The following PTPRD variants were observed in gnomAD, a reference collection of about 807,000 sequenced individuals.
PTPRD encodes the protein protein tyrosine phosphatase receptor type D.
PTPRD carries 34 observed loss-of-function variants against 214.5 expected under a neutral mutation model. That is an observed-to-expected ratio of 0.16 (90% CI 0.12 to 0.21). PTPRD has a LOEUF of 0.21. Among genes scored for constraint, PTPRD ranks in the 10% least tolerant of loss-of-function variants. PTPRD has a pLI of 1.00. For synonymous variants in PTPRD, 1,128 were observed against 845.7 expected (o/e 1.33, Z -5.79); for missense variants, 2,545 against 2,398.7 (o/e 1.06, Z -1.27).
chr9:9,792,084 C>G (rs985993780), intron 5 of PTPRD, among the ~76,000 whole-genome samples: 4 of 151,304 alleles, frequency 2.6e-5, no homozygotes, highest in African/African-American at 4.9e-5. Flanking sequence ...AATGTTTTAT[C>G]CCATGATTTG....
intron 8 of PTPRD, among the ~76,000 whole-genome samples, chr9:9,432,506 A>C (rs1043338739): frequency 6.6e-6 from 1 of 152,200 alleles, no homozygotes; most frequent in Non-Finnish European, 1.5e-5. Context: ...TTGATCCAAC[A>C]AGAAATAGCC....
intron 11 of PTPRD, among the ~76,000 whole-genome samples, chr9:8,932,809 C>G (rs183565590): frequency 1.3e-5 from 2 of 152,106 alleles, no homozygotes; most frequent in Non-Finnish European, 2.9e-5. Flanking sequence ...TGCTGGGCTC[C>G]GTGGGCGTGG....
chr9:10,339,836 T>C (rs530856277), intron 3 of PTPRD, among the ~76,000 whole-genome samples: 1 of 151,718 alleles, frequency 6.6e-6, no homozygotes, highest in Non-Finnish European at 1.5e-5. Flanking sequence ...AACAACACCT[T>C]CAATATCTCC....
intron 11 of PTPRD, among the ~76,000 whole-genome samples, chr9:8,926,170 G>C (rs1480994878): frequency 2.6e-5 from 4 of 152,042 alleles, no homozygotes; most frequent in African/African-American, 7.2e-5. Flanking sequence ...TGCATCCTCT[G>C]ACTGGAATAC....
At chr9:10,553,912 T>A (rs1395430167) in intron 2 of PTPRD, among the ~76,000 whole-genome samples, 1 of 152,224 alleles carries the variant, frequency 6.6e-6, no homozygotes, top group Non-Finnish European at 1.5e-5. Flanking sequence ...GCTAAAAATT[T>A]ACATTTTGGT....
intron 3 of PTPRD, among the ~76,000 whole-genome samples, chr9:10,256,645 A>C (rs2093305501): frequency 1.3e-5 from 2 of 152,214 alleles, no homozygotes; most frequent in African/African-American, 4.8e-5. Flanking sequence ...TCAACTAATC[A>C]GTTATCAGAT....
intron 5 of PTPRD, among the ~76,000 whole-genome samples, chr9:9,838,012 C>T (rs1480294630): frequency 1.3e-5 from 2 of 151,988 alleles, no homozygotes; most frequent in East Asian, 1.9e-4. Flanking sequence ...AGTGAGAACA[C>T]ACGGTGTTTG....
intron 3 of PTPRD, among the ~76,000 whole-genome samples, chr9:10,223,707 AATAAT>A (rs1413287499): frequency 6.8e-6 from 1 of 146,196 alleles, no homozygotes; most frequent in African/African-American, 2.5e-5. Context: ...TAATAATAAT[AATAAT>A]AAAGTAGAGT....
At chr9:8,503,123 G>A (rs16928048) in intron 23 of PTPRD, among the ~76,000 whole-genome samples, 1 of 151,890 alleles carries the variant, frequency 6.6e-6, no homozygotes, top group South Asian at 2.1e-4. Context: ...TCATTTTCAT[G>A]TGAATAATCA....
intron 11 of PTPRD, among the ~76,000 whole-genome samples, chr9:8,918,236 C>CGGTCA (rs1316693702): frequency 6.6e-6 from 1 of 152,132 alleles, no homozygotes; most frequent in Non-Finnish European, 1.5e-5. Context: ...CCGACCCAGT[C>CGGTCA]TAACAAAACA....
chr9:8,838,101 G>A (rs1007137539), intron 11 of PTPRD, among the ~76,000 whole-genome samples: 1 of 151,966 alleles, frequency 6.6e-6, no homozygotes, highest in African/African-American at 2.4e-5. Context: ...AGGGAGAGGG[G>A]TCCAGCATAA....
chr9:8,903,676 T>C lies in PTPRD; in HGVS notation c.-104+115021A>G, dbSNP rs116127986. ...TTCAATGCTACATATTAATGAATTATAGTAAGTAATTATCTTCTGTGGGCT... is the reference window on the plus strand; with the variant it reads ...TTCAATGCTACATATTAATGAATTACAGTAAGTAATTATCTTCTGTGGGCT... On this transcript the variant is annotated intron_variant, in intron 11 of 45. Transcript: ENST00000381196. 1.7e-3 allele frequency among the ~76,000 whole-genome samples: 254 copies of C among 152,368 alleles called. 1 individual carries two copies. Among genetic ancestry groups the C allele is most frequent in the African/African-American group, 5.4e-3 (223 of 41,590 alleles).
At chr9:9,628,914 C>A (rs1003587053) in intron 7 of PTPRD, among the ~76,000 whole-genome samples, 13 of 151,794 alleles carry the variant, frequency 8.6e-5, no homozygotes, top group Admixed American at 3.9e-4. Context: ...TGGCCCACAC[C>A]TGTAATCCCA....
chr9:9,920,885 C>A (rs1200587460), intron 5 of PTPRD, among the ~76,000 whole-genome samples: 2 of 152,008 alleles, frequency 1.3e-5, no homozygotes, highest in African/African-American at 4.8e-5. Context: ...GCAGGATGAA[C>A]GAAGAAGGAT....
chr9:9,811,966 T>TA (rs1440358007), intron 5 of PTPRD, among the ~76,000 whole-genome samples: 3 of 152,060 alleles, frequency 2.0e-5, no homozygotes, highest in East Asian at 1.9e-4. Flanking sequence ...ACTGTTATCT[T>TA]AAAAAAATGC....
chr9:10,581,280 TA>T (rs1184204017), intron 2 of PTPRD, among the ~76,000 whole-genome samples: 1 of 152,072 alleles, frequency 6.6e-6, no homozygotes, highest in Non-Finnish European at 1.5e-5. Flanking sequence ...CTGTCAATCT[TA>T]AAAAGAACCA....
intron 7 of PTPRD, among the ~76,000 whole-genome samples, chr9:9,701,930 C>T (rs1215792097): frequency 2.6e-5 from 4 of 152,040 alleles, no homozygotes; most frequent in African/African-American, 9.7e-5. Flanking sequence ...ACAAGCCTGG[C>T]CAACATGGTG....
intron 2 of PTPRD, among the ~76,000 whole-genome samples, chr9:10,478,697 A>T (rs2099078212): frequency 6.6e-6 from 1 of 151,780 alleles, no homozygotes; most frequent in Non-Finnish European, 1.5e-5. Context: ...ATCAAAATAC[A>T]ATTACAGAGT....
chr9:10,220,229 T>C (rs2099563278), intron 3 of PTPRD, among the ~76,000 whole-genome samples: 1 of 151,868 alleles, frequency 6.6e-6, no homozygotes, highest in Non-Finnish European at 1.5e-5. Flanking sequence ...ACATAATCTG[T>C]TTTTAAAATG....
Sources: allele counts gnomAD v4.1 joint callset (sites outside exome capture counted in the v4.1 genomes callset), GRCh38; gene constraint gnomAD v4.1.1; transcripts MANE v1.5; gene names NCBI Gene and HGNC (gene_info 2026-07-23, HGNC 2026-07-21).